The following RTL4 variants were observed in gnomAD, a reference collection of about 807,000 sequenced individuals.
RTL4 encodes retrotransposon Gag like 4.
A neutral mutation model predicts 5.3 loss-of-function variants in RTL4; 4 were observed. The observed-to-expected ratio is 0.75, with a 90% CI of 0.37 to 1.72. The LOEUF is 1.72. Ranked by LOEUF, RTL4 falls within the 40% of genes most tolerant of loss-of-function variation. The probability of loss-of-function intolerance (pLI) is 0.04; values close to 1 mark genes in which losing one functional copy is unlikely to be tolerated. For missense variants in RTL4, 260 were observed against 227.1 expected (o/e 1.14, Z -0.93); for synonymous variants, 98 against 87.3 (o/e 1.12, Z -0.68).
At chrX:112,352,271 C>A in the RTL4 span, among the ~76,000 whole-genome samples, 1 of 110,474 alleles carries the variant, frequency 9.1e-6, no homozygotes, top group Non-Finnish European at 1.9e-5. Flanking sequence ...TTGTGGGTAA[C>A]CCGACCTTTC....
chrX:112,425,515 T>C, the RTL4 span, among the ~76,000 whole-genome samples: 5 of 111,266 alleles, frequency 4.5e-5, no homozygotes, highest in African/African-American at 1.3e-4. Flanking sequence ...CTGCCTTCCA[T>C]AGGGGTTGTA....
chrX:112,154,845 C>A, the RTL4 span, among the ~76,000 whole-genome samples: 1 of 111,704 alleles, frequency 9.0e-6, no homozygotes, highest in Non-Finnish European at 1.9e-5. Context: ...ATTTGCATGA[C>A]TGCTATGGTC....
chrX:112,098,736 C>A, the RTL4 span, among the ~76,000 whole-genome samples: 1 of 111,379 alleles, frequency 9.0e-6, no homozygotes, highest in Non-Finnish European at 1.9e-5. Flanking sequence ...TTTCATGTGT[C>A]TTTTGGCTGC....
the RTL4 span, among the ~76,000 whole-genome samples, chrX:112,105,949 T>C: frequency 8.9e-6 from 1 of 111,891 alleles, no homozygotes; most frequent in East Asian, 2.8e-4. Flanking sequence ...GGCATCCTCA[T>C]TTTGTTCCTG....
exon 1 of RTL4, chrX:112,455,787 G>A (rs985289547): frequency 1.9e-5 from 12 of 631,565 alleles, no homozygotes; most frequent in Non-Finnish European, 2.3e-5. Flanking sequence ...GAACTGACAC[G>A]CTTTGGGGGA....
the RTL4 span, among the ~76,000 whole-genome samples, chrX:112,119,576 A>G: frequency 0.17 from 18,595 of 110,976 alleles, 2,442 homozygotes; most frequent in African/African-American, 0.44. Flanking sequence ...TCAAATATGA[A>G]AGGAGGAAAA....
chrX:112,335,905 C>T, the RTL4 span, among the ~76,000 whole-genome samples: 1 of 109,470 alleles, frequency 9.1e-6, no homozygotes, highest in African/African-American at 3.3e-5. Context: ...TGCGGTGGTG[C>T]GATCTCGGCT....
the RTL4 span, among the ~76,000 whole-genome samples, chrX:112,331,526 G>C: frequency 1.2e-4 from 12 of 97,270 alleles, no homozygotes; most frequent in South Asian, 5.2e-4. Flanking sequence ...TGGAGAGGAT[G>C]TGGAGAAATA....
chrX:112,295,141 G>T, the RTL4 span, among the ~76,000 whole-genome samples: 2 of 112,237 alleles, frequency 1.8e-5, no homozygotes, highest in Admixed American at 9.4e-5. Flanking sequence ...GCAGCTACTT[G>T]TTCCTTGTGG....
At chrX:112,276,726 G>T in the RTL4 span, among the ~76,000 whole-genome samples, 1 of 111,930 alleles carries the variant, frequency 8.9e-6, no homozygotes, top group African/African-American at 3.2e-5. Flanking sequence ...AAAAGCAAAT[G>T]AAAATAGATT....
the RTL4 span, among the ~76,000 whole-genome samples, chrX:112,438,541 G>A: frequency 7.1e-5 from 8 of 112,629 alleles, no homozygotes; most frequent in Non-Finnish European, 1.5e-4. Context: ...TACGCAGTGA[G>A]ACTGCAAGTT....
At chrX:112,454,079 GTTTTCAAAT>G (rs750433552), upstream of RTL4, among the ~76,000 whole-genome samples, 1 of 111,628 alleles carries the variant, frequency 9.0e-6, no homozygotes, top group South Asian at 3.7e-4. Context: ...ATCACTTTGG[GTTTTCAAAT>G]TCTTTGACTC....
chrX:112,101,120 T>C, the RTL4 span, among the ~76,000 whole-genome samples: 1 of 112,026 alleles, frequency 8.9e-6, no homozygotes. Context: ...AAAATTTTCA[T>C]ATTTCAGACC....
At chrX:112,381,137 C>G in the RTL4 span, among the ~76,000 whole-genome samples, 1 of 110,781 alleles carries the variant, frequency 9.0e-6, no homozygotes, top group African/African-American at 3.3e-5. Flanking sequence ...CGGGAGCTTT[C>G]CGCACTTGCA....
At chrX:112,424,838 T>C in the RTL4 span, among the ~76,000 whole-genome samples, 1 of 110,359 alleles carries the variant, frequency 9.1e-6, no homozygotes, top group Admixed American at 9.7e-5. Context: ...TCATATATTC[T>C]CTGACCCCCT....
At chrX:112,373,113 T>C in the RTL4 span, among the ~76,000 whole-genome samples, 200 of 111,877 alleles carry the variant, frequency 1.8e-3, 1 homozygote, top group African/African-American at 5.7e-3. Flanking sequence ...GACATTCTTG[T>C]ACATATTTTC....
chrX:112,266,072 C>T, the RTL4 span, among the ~76,000 whole-genome samples: 1 of 110,854 alleles, frequency 9.0e-6, no homozygotes, highest in Non-Finnish European at 1.9e-5. Context: ...CTTGGAGCAA[C>T]TCAGTGTTAT....
chrX:112,116,288 C>T, the RTL4 span, among the ~76,000 whole-genome samples: 1 of 111,671 alleles, frequency 9.0e-6, no homozygotes, highest in Non-Finnish European at 1.9e-5. Flanking sequence ...GAGTTGGTTC[C>T]TTCTGGTGGG....
chrX:112,213,168 G>A, the RTL4 span, among the ~76,000 whole-genome samples: 1 of 112,587 alleles, frequency 8.9e-6, no homozygotes, highest in Non-Finnish European at 1.9e-5. Flanking sequence ...AGCTACTTGC[G>A]GGAAAGAAAA....
Sources: gnomAD v4.1 joint callset for allele counts (sites outside exome capture counted in the v4.1 genomes callset) on GRCh38, gnomAD v4.1.1 for gene constraint, MANE v1.5 for transcripts, NCBI Gene and HGNC (gene_info 2026-07-23, HGNC 2026-07-21) for gene names.